The following MECOM variants were observed in gnomAD, a reference collection of about 807,000 sequenced individuals.
MECOM encodes histone-lysine N-methyltransferase MECOM.
MECOM carries 13 observed loss-of-function variants against 116.3 expected under a neutral mutation model. The ratio of observed to expected loss-of-function variants is 0.11; its 90% CI spans 0.07 to 0.18. The LOEUF is 0.18. Among genes scored for constraint, MECOM ranks in the 10% least tolerant of loss-of-function variants. The pLI, the probability that MECOM is intolerant of heterozygous loss-of-function variation, is 1.00. For missense variants in MECOM, 1,299 were observed against 1,509.0 expected (o/e 0.86, Z 2.31); for synonymous variants, 528 against 535.2 (o/e 0.99, Z 0.19).
At chr3:169,601,876 A>G (rs1767874972) in intron 1 of MECOM, among the ~76,000 whole-genome samples, 4 of 152,254 alleles carry the variant, frequency 2.6e-5, no homozygotes, top group Admixed American at 2.6e-4. Flanking sequence ...TGCTATATTT[A>G]TTGACAAGGG....
chr3:169,505,385 A>G lies in MECOM; in HGVS notation c.38-123861T>C, dbSNP rs141072117. ...CCAAAACATCACATAATCTAATTCC[A>G]GTTTTCCTTGGGTTTATTTCAGCTT... On this transcript the variant is annotated intron_variant, in intron 1 of 16. Transcript: ENST00000651503. Among the ~76,000 whole-genome samples the G allele has an allele frequency of 4.9e-3, 746 of 151,410 alleles. 2 individuals carry two copies. Among genetic ancestry groups the G allele is most frequent in the Non-Finnish European group, 8.5e-3 (579 of 67,920 alleles).
chr3:169,310,402 T>C (rs554672573), intron 2 of MECOM, among the ~76,000 whole-genome samples: 120 of 152,334 alleles, frequency 7.9e-4, no homozygotes, highest in Non-Finnish European at 1.5e-3. Flanking sequence ...AAAGTGGCTA[T>C]TCCATGTGTC....
intron 1 of MECOM, chr3:169,466,954 G>T (rs1748409730): frequency 6.6e-6 from 1 of 152,048 alleles, no homozygotes; most frequent in Non-Finnish European, 1.5e-5. Context: ...AAAGCTTCTG[G>T]GTTCTCAACA....
intron 1 of MECOM, among the ~76,000 whole-genome samples, chr3:169,550,916 C>T (rs1269438606): frequency 1.1e-5 from 1 of 95,198 alleles, no homozygotes; most frequent in African/African-American, 3.3e-5. Context: ...CTCCGCCTCC[C>T]GGGTTCACGC....
chr3:169,331,473 G>A (rs2149774005), intron 2 of MECOM, among the ~76,000 whole-genome samples: 1 of 152,192 alleles, frequency 6.6e-6, no homozygotes, highest in East Asian at 1.9e-4. Context: ...AAGCAATAAA[G>A]AGGATTTATA....
At chr3:169,378,455 A>AAGAAAGAG (rs1168673708) in intron 2 of MECOM, among the ~76,000 whole-genome samples, 2 of 51,248 alleles carry the variant, frequency 3.9e-5, no homozygotes, top group Non-Finnish European at 6.6e-5. Context: ...GAAAGAAGGA[A>AAGAAAGAG]AGCAAGCAAG....
At chr3:169,186,346 A>T (rs756916952) in intron 2 of MECOM, among the ~76,000 whole-genome samples, 198 of 45,526 alleles carry the variant, frequency 4.3e-3, no homozygotes, top group Middle Eastern at 0.011. Flanking sequence ...GGAGGGAGGG[A>T]AGGAAGGAAG....
At chr3:169,628,566 T>C (rs1214455246) in intron 1 of MECOM, among the ~76,000 whole-genome samples, 1 of 152,166 alleles carries the variant, frequency 6.6e-6, no homozygotes, top group Admixed American at 6.5e-5. Flanking sequence ...GCTCATGGTG[T>C]GGTGAGACAC....
intron 1 of MECOM, among the ~76,000 whole-genome samples, chr3:169,580,682 A>T (rs1055012272): frequency 6.6e-6 from 1 of 152,218 alleles, no homozygotes; most frequent in African/African-American, 2.4e-5. Flanking sequence ...TAATTAAGTT[A>T]GTAAGTAAGC....
In MECOM at chr3:169,521,854, A is replaced by C. The variant is rs1182141579; in HGVS notation, c.38-140330T>G. Among the ~76,000 whole-genome samples the C allele has an allele frequency of 2.6e-5, 4 of 152,332 alleles. 1 individual carries two copies. The East Asian group carries it at 7.7e-4, about 29-fold the overall frequency. On this transcript the variant is annotated intron_variant, in intron 1 of 16. Coordinates refer to ENST00000651503, the MANE Select transcript of MECOM (RefSeq NM_004991.4). ...AGGTCAAAGCTATTAGGAGGAAAAA[A>C]TGTGTCTGCCTTGAATAAGTACAGA...
At position 169,278,354 on chromosome 3, in the gene MECOM, G is replaced by A. The variant is rs565683623; in HGVS notation, c.375+102833C>T. On this transcript the variant is annotated intron_variant, in intron 2 of 16. Coordinates refer to ENST00000651503, the MANE Select transcript of MECOM (RefSeq NM_004991.4). ...ATATTGGACAAGTCCAGTTCTACAAGTCATTTAGATCCAGTCCTAAATGCC... is the reference window on the plus strand; with the variant it reads ...ATATTGGACAAGTCCAGTTCTACAAATCATTTAGATCCAGTCCTAAATGCC... 2.6e-5 allele frequency among the ~76,000 whole-genome samples: 4 copies of A among 152,278 alleles called. No individual in the cohort carries two copies. In the South Asian group the frequency reaches 8.3e-4, roughly 32 times the overall value.
At chr3:169,267,813 G>A (rs953876949) in intron 2 of MECOM, among the ~76,000 whole-genome samples, 1 of 152,028 alleles carries the variant, frequency 6.6e-6, no homozygotes, top group Non-Finnish European at 1.5e-5. Context: ...GGGGTTGGAG[G>A]AACTAGAGAA....
At position 169,663,599 on chromosome 3, in the gene MECOM, ACT is replaced by A. The variant is rs1364943093; in HGVS notation, c.-229_-228del. 1 of 467,504 alleles carries A rather than the reference ACT, an allele frequency of 2.1e-6. No homozygotes were observed. Among genetic ancestry groups the A allele is most frequent in the East Asian group, 3.4e-5 (1 of 29,758 alleles). 29.0% of individuals were successfully genotyped at this position (467,504 alleles called of 1,614,324 possible). A position where few individuals can be genotyped will look rare whatever the true frequency, so the allele number is the denominator to read the frequency against. ...CTCACTCTCTGTATTTTCTTCTTTC[ACT>A]CTCTCTCCCTCCCTCTCTCCCTTTC... is the stretch of plus-strand genomic sequence containing the variant. On this transcript the variant is annotated 5_prime_UTR_variant, in exon 1 of 17. Coordinates refer to ENST00000651503, the MANE Select transcript of MECOM (RefSeq NM_004991.4).
At chr3:169,399,358 A>G (rs1178164513) in intron 1 of MECOM, among the ~76,000 whole-genome samples, 1 of 151,774 alleles carries the variant, frequency 6.6e-6, no homozygotes, top group African/African-American at 2.4e-5. Flanking sequence ...TCTCATTTAC[A>G]AAAGTCATTG....
intron 1 of MECOM, among the ~76,000 whole-genome samples, chr3:169,640,275 C>G (rs911942194): frequency 6.6e-6 from 1 of 152,130 alleles, no homozygotes; most frequent in Non-Finnish European, 1.5e-5. Context: ...TCAGGCCCAA[C>G]CTTACCATTT....
At chr3:169,109,550 G>A (rs532167782) in intron 9 of MECOM, among the ~76,000 whole-genome samples, 62 of 152,180 alleles carry the variant, frequency 4.1e-4, no homozygotes, top group African/African-American at 1.4e-3. Context: ...AAGTAGCTGG[G>A]ATTACAGGCA....
chr3:169,432,034 A>T (rs1261706547), intron 1 of MECOM, among the ~76,000 whole-genome samples: 1 of 151,886 alleles, frequency 6.6e-6, no homozygotes, highest in Non-Finnish European at 1.5e-5. Flanking sequence ...GCCAAACTAC[A>T]TGTGTCTACA....
chr3:169,502,509 G>A (rs1388582729), intron 1 of MECOM, among the ~76,000 whole-genome samples: 1 of 152,026 alleles, frequency 6.6e-6, no homozygotes, highest in Non-Finnish European at 1.5e-5. Flanking sequence ...TCTGTTGACT[G>A]CAACCAGAGA....
At chr3:169,187,006 CA>C (rs1746872693) in intron 2 of MECOM, among the ~76,000 whole-genome samples, 2 of 152,118 alleles carry the variant, frequency 1.3e-5, no homozygotes, top group East Asian at 1.9e-4. Flanking sequence ...AACAATTTAA[CA>C]AAAACTTGGA....
Sources: allele counts gnomAD v4.1 joint callset (sites outside exome capture counted in the v4.1 genomes callset), GRCh38; gene constraint gnomAD v4.1.1; transcripts MANE v1.5; gene names NCBI Gene and HGNC (gene_info 2026-07-23, HGNC 2026-07-21).